TOGARAM1: variants seen among roughly 807,000 people sequenced by gnomAD.
TOGARAM1 encodes TOG array regulator of axonemal microtubules 1.
A neutral mutation model predicts 166.6 loss-of-function variants in TOGARAM1; 100 were observed. The ratio of observed to expected loss-of-function variants is 0.60; its 90% confidence interval spans 0.51 to 0.71. TOGARAM1 has a LOEUF of 0.71. TOGARAM1 is among the 30% of genes least tolerant of loss of function. The probability of loss-of-function intolerance (pLI) is 0.00; values close to 1 mark genes in which losing one functional copy is unlikely to be tolerated. For missense variants in TOGARAM1, 2,029 were observed against 2,102.7 expected (o/e 0.96, Z 0.69); for synonymous variants, 758 against 763.8 (o/e 0.99, Z 0.13).
intron 16 of TOGARAM1, among the ~76,000 whole-genome samples, chr14:45,066,080 T>C (rs900296636): frequency 6.6e-6 from 1 of 152,216 alleles, no homozygotes; most frequent in Non-Finnish European, 1.5e-5. Context: ...TCTGGGAGTC[T>C]GGAATTTTGG....
chr14:45,001,446 A>G (rs532719874), intron 3 of TOGARAM1, among the ~76,000 whole-genome samples: 1 of 152,222 alleles, frequency 6.6e-6, no homozygotes, highest in African/African-American at 2.4e-5. Context: ...CAAAGGAAAC[A>G]GTCAACAAAG....
intron 15 of TOGARAM1, among the ~76,000 whole-genome samples, chr14:45,053,675 T>A (rs1454056904): frequency 1.3e-5 from 2 of 151,852 alleles, no homozygotes; most frequent in African/African-American, 4.8e-5. Context: ...CAAAAAAAAA[T>A]AATCTGACTA....
intron 11 of TOGARAM1, among the ~76,000 whole-genome samples, chr14:45,035,378 A>G (rs1215730068): frequency 6.6e-6 from 1 of 152,104 alleles, no homozygotes; most frequent in Non-Finnish European, 1.5e-5. Context: ...AAAAAAATCA[A>G]AATGAAACAA....
At chr14:45,031,740 G>T (rs183386488) in intron 10 of TOGARAM1, among the ~76,000 whole-genome samples, 128 of 152,242 alleles carry the variant, frequency 8.4e-4, no homozygotes, top group Non-Finnish European at 1.1e-3. Context: ...CATATAAAAA[G>T]TAAAGTTTTC....
In TOGARAM1 at chr14:45,012,042, A is replaced by T. The variant is rs1291959602; in HGVS notation, c.3205A>T (p.Ile1069Phe). The T allele has an allele frequency of 2.5e-6, 4 of 1,611,434 alleles. No homozygotes were observed. In the East Asian group the frequency reaches 6.7e-5, roughly 27 times the overall value. ...AAGACTTTCTTCTGCAAAGAAAAAA[A>T]TTTCTCATATTGCTGAACAAAGCCC... is the stretch of plus-strand genomic sequence containing the variant. ...PTRLSSAKKKISHIAEQSPSA... is the reference protein window; with the variant it reads ...PTRLSSAKKKFSHIAEQSPSA... Residue 1069 changes from isoleucine to phenylalanine, a missense_variant, in exon 7 of 20, where the codon ATT (isoleucine) becomes TTT (phenylalanine). Transcript: ENST00000361462.
rs375962126 is a variant in TOGARAM1 at position 45,045,543 on chromosome 14, GTATATATATA to G, written c.4154+705_4154+714del. On this transcript the variant is annotated intron_variant, in intron 13 of 19. Coordinates refer to ENST00000361462, the MANE Select transcript of TOGARAM1 (RefSeq NM_001308120.2). ...GAGTAGTATTCCATGGTCTGTGTGT[GTATATATATA>G]TATATATATATATATATATATATAT... Among the ~76,000 whole-genome samples, 47 of 38,910 alleles carry G rather than the reference GTATATATATA, an allele frequency of 1.2e-3. 2 individuals are homozygous for G. The highest frequency in any genetic ancestry group is 5.8e-3 in the East Asian group (7 of 1,204). 25.5% of individuals were successfully genotyped at this position (38,910 alleles called of 152,430 possible).
chr14:44,993,521 C>A (rs1043373610), intron 1 of TOGARAM1, among the ~76,000 whole-genome samples: 1 of 152,200 alleles, frequency 6.6e-6, no homozygotes, highest in African/African-American at 2.4e-5. Flanking sequence ...GACTGCTTCA[C>A]ATTTTGTAAC....
At chr14:44,970,140 G>A (rs189488684) in intron 1 of TOGARAM1, among the ~76,000 whole-genome samples, 1 of 152,258 alleles carries the variant, frequency 6.6e-6, no homozygotes, top group Non-Finnish European at 1.5e-5. Context: ...AAAACTAACA[G>A]CTTGACAATA....
intron 9 of TOGARAM1, among the ~76,000 whole-genome samples, chr14:45,027,770 G>T (rs752023538): frequency 6.6e-6 from 1 of 151,924 alleles, no homozygotes; most frequent in Non-Finnish European, 1.5e-5. Context: ...TTGGGAGGCT[G>T]AGGTAGGAGG....
chr14:44,972,752 C>T (rs1368545848), intron 1 of TOGARAM1, among the ~76,000 whole-genome samples: 1 of 151,986 alleles, frequency 6.6e-6, no homozygotes, highest in African/African-American at 2.4e-5. Context: ...TAATTTATAT[C>T]TATCTTTATA....
rs538114714 is a variant in TOGARAM1 at position 45,009,060 on chromosome 14, A to G, written c.3052A>G (p.Ile1018Val). 12 of 1,614,054 alleles carry G rather than the reference A, an allele frequency of 7.4e-6. No individual in the cohort carries two copies. In the South Asian group the frequency reaches 7.7e-5, roughly 10 times the overall value. The change falls in exon 6 of 20, where the codon ATC becomes GTC. Residue 1018 changes from isoleucine to valine, a missense_variant. Ile to Val is a conservative substitution (Grantham distance 29). Coordinates refer to ENST00000361462, the MANE Select transcript of TOGARAM1 (RefSeq NM_001308120.2). Reference sequence around the variant, plus strand: ...CCCGTCTCTGTCTTCCTCACCAAACATCAATTCTTACAGTGAAAGTGGAGT... The same window carrying G: ...CCCGTCTCTGTCTTCCTCACCAAACGTCAATTCTTACAGTGAAAGTGGAGT... Reference protein sequence around the residue: ...DSPSLSSSPNINSYSESGVYS... With the variant: ...DSPSLSSSPNVNSYSESGVYS...
chr14:45,004,206 G>A lies in TOGARAM1; in HGVS notation c.2484G>A (p.Lys828=), dbSNP rs1887833872. The A allele has an allele frequency of 6.2e-7, 1 of 1,613,952 alleles. No individual in the cohort carries two copies. The highest frequency in any genetic ancestry group is 2.2e-5 in the East Asian group (1 of 44,858). The change falls in exon 4 of 20, where the codon AAG becomes AAA. Residue 828 remains lysine, a synonymous_variant. Coordinates refer to ENST00000361462, the MANE Select transcript of TOGARAM1 (RefSeq NM_001308120.2). The stretch of plus-strand genomic sequence containing the variant: ...TCTCATCACCTCGAACTAGTCCAAA[G>A]CATACATCTCCTCTTATTATATCTC... ...YPVSSPRTSP[K]HTSPLIISPK...
intron 18 of TOGARAM1, among the ~76,000 whole-genome samples, chr14:45,070,813 T>C (rs1281470131): frequency 6.6e-6 from 1 of 152,234 alleles, no homozygotes; most frequent in Non-Finnish European, 1.5e-5. Flanking sequence ...ACACAGGACC[T>C]GTATATAATC....
rs1566589381 is a variant in TOGARAM1, at chr14:44,963,567, T to A, written c.1146T>A (p.Phe382Leu). 1.2e-6 allele frequency: 2 copies of A among 1,613,844 alleles called. No individual in the cohort carries two copies. Among genetic ancestry groups the A allele is most frequent in the Non-Finnish European group, 1.7e-6 (2 of 1,179,866 alleles). Residue 382 changes from phenylalanine (F) to leucine (L), a missense_variant, in exon 1 of 20, where the codon TTT becomes TTA. Phe to Leu is a conservative substitution (Grantham distance 22). Coordinates refer to ENST00000361462, the MANE Select transcript of TOGARAM1 (RefSeq NM_001308120.2). ...AACTAAAGCAGGTGCTGGGAAAATT[T>A]AACCCTAGTTCTACTCCTCATTCTA... ...VEELKQVLGK[F>L]NPSSTPHSSL...
At position 45,066,694 on chromosome 14, in the gene TOGARAM1, G is replaced by C; in HGVS notation, c.4676G>C (p.Arg1559Pro). 1 of 1,613,802 alleles carries C rather than the reference G, an allele frequency of 6.2e-7. No individual in the cohort carries two copies. The highest frequency in any genetic ancestry group is 8.5e-7 in the Non-Finnish European group (1 of 1,179,768). ...GLLNAKDFRD[R>P]INGIKQLLSD... is the part of the protein sequence containing the mutation. Reference sequence around the variant, plus strand: ...TTAAATGCAAAAGACTTTCGTGATCGTATTAATGGGATTAAGCAGCTTTTA... The same window carrying C: ...TTAAATGCAAAAGACTTTCGTGATCCTATTAATGGGATTAAGCAGCTTTTA... Residue 1559 changes from arginine to proline, a missense_variant, in exon 17 of 20, where the codon CGT (arginine) becomes CCT (proline). Physicochemically the swap from Arg to Pro is moderately radical, Grantham distance 103. This residue lies in a region of TOGARAM1 where 576 missense variants were observed against 670.5 expected (regional missense o/e 0.86). Coordinates refer to ENST00000361462, the MANE Select transcript of TOGARAM1 (RefSeq NM_001308120.2).
intron 1 of TOGARAM1, among the ~76,000 whole-genome samples, chr14:44,987,208 G>A (rs1235469210): frequency 6.6e-6 from 1 of 151,570 alleles, no homozygotes; most frequent in Non-Finnish European, 1.5e-5. Flanking sequence ...CAAAGTGCTG[G>A]GATTACAAGT....
chr14:45,019,514 T>C (rs1880366530), intron 7 of TOGARAM1, among the ~76,000 whole-genome samples: 1 of 152,132 alleles, frequency 6.6e-6, no homozygotes, highest in Admixed American at 6.5e-5. Context: ...AGAGTGAAAA[T>C]AGAGCTCCCA....
intron 1 of TOGARAM1, among the ~76,000 whole-genome samples, chr14:44,975,136 A>G (rs1156987078): frequency 2.0e-5 from 3 of 152,186 alleles, no homozygotes; most frequent in Non-Finnish European, 4.4e-5. Context: ...AATGATTAAA[A>G]ACAGAATTTT....
intron 1 of TOGARAM1, among the ~76,000 whole-genome samples, chr14:44,972,024 C>T (rs1283795915): frequency 6.6e-6 from 1 of 151,980 alleles, no homozygotes; most frequent in Non-Finnish European, 1.5e-5. Context: ...GAAGAGAGGG[C>T]AGGAGGAGAT....
Sources: allele counts gnomAD v4.1 joint callset (sites outside exome capture counted in the v4.1 genomes callset), GRCh38; gene constraint gnomAD v4.1.1; regional missense constraint gnomAD v4.1.1; transcripts MANE v1.5; gene names NCBI Gene and HGNC (gene_info 2026-07-23, HGNC 2026-07-21).